Variants in TENM2 observed in about 807,000 individuals in gnomAD.
The protein encoded by TENM2 is teneurin transmembrane protein 2, also known as teneurin-2.
TENM2 carries 52 observed loss-of-function variants against 245.2 expected under a neutral mutation model. That is an observed-to-expected ratio of 0.21 (90% confidence interval 0.17 to 0.27). The LOEUF (loss-of-function observed/expected upper bound fraction) is 0.27. TENM2 is among the 10% of genes least tolerant of loss of function. TENM2 has a pLI of 1.00. For missense variants in TENM2, 3,046 were observed against 3,666.8 expected (o/e 0.83, Z 4.37); for synonymous variants, 1,363 against 1,438.9 (o/e 0.95, Z 1.19).
the TENM2 span, among the ~76,000 whole-genome samples, chr5:167,126,091 A>G: frequency 2.2e-4 from 34 of 152,328 alleles, no homozygotes; most frequent in Admixed American, 2.0e-3. Flanking sequence ...AGTAGGTGCC[A>G]TATTTCACTG....
intron 2 of TENM2, among the ~76,000 whole-genome samples, chr5:167,705,080 C>A (rs966032519): frequency 1.3e-5 from 2 of 152,160 alleles, no homozygotes; most frequent in Non-Finnish European, 2.9e-5. Context: ...GAAAGACAAA[C>A]CCCTTGCTGT....
the TENM2 span, among the ~76,000 whole-genome samples, chr5:167,277,453 C>A: frequency 2.6e-5 from 4 of 151,964 alleles, no homozygotes; most frequent in Non-Finnish European, 4.4e-5. Flanking sequence ...TAGTTTTATT[C>A]CATTGTTGTC....
At chr5:167,565,817 C>T (rs1487439864) in intron 2 of TENM2, among the ~76,000 whole-genome samples, 3 of 152,096 alleles carry the variant, frequency 2.0e-5, no homozygotes. Context: ...CCATTTTGCT[C>T]TCACACTAAT....
chr5:167,384,249 A>G (rs535560673), intron 2 of TENM2, among the ~76,000 whole-genome samples: 42 of 152,244 alleles, frequency 2.8e-4, no homozygotes, highest in Non-Finnish European at 5.6e-4. Flanking sequence ...GGGAGAGAAG[A>G]AAATAAACAT....
chr5:167,816,515 C>CT (rs1417732909), intron 2 of TENM2, among the ~76,000 whole-genome samples: 16 of 152,302 alleles, frequency 1.1e-4, no homozygotes, highest in African/African-American at 2.2e-4. Flanking sequence ...AACAACTGTT[C>CT]TGCCCCTGTG....
At chr5:167,428,148 A>C (rs1490408299) in intron 2 of TENM2, among the ~76,000 whole-genome samples, 1 of 152,204 alleles carries the variant, frequency 6.6e-6, no homozygotes, top group African/African-American at 2.4e-5. Context: ...TTTCTATAAA[A>C]GGCAAAATGC....
chr5:168,128,809 T>C (rs1036029394), intron 12 of TENM2: 3 of 152,260 alleles, frequency 2.0e-5, no homozygotes, highest in African/African-American at 7.2e-5. Context: ...GTGACAATGA[T>C]ACGAAATTCA....
chr5:168,160,400 G>T (rs541346248), intron 12 of TENM2, among the ~76,000 whole-genome samples: 3 of 152,348 alleles, frequency 2.0e-5, no homozygotes, highest in African/African-American at 7.2e-5. Context: ...GAGGAGAGGT[G>T]TGTAGACCAA....
intron 2 of TENM2, among the ~76,000 whole-genome samples, chr5:167,388,474 C>A (rs1192120121): frequency 6.6e-6 from 1 of 151,756 alleles, no homozygotes; most frequent in East Asian, 1.9e-4. Flanking sequence ...TTTCATTTAT[C>A]TTTTGTATTT....
intron 2 of TENM2, among the ~76,000 whole-genome samples, chr5:167,666,207 T>C (rs1469205164): frequency 6.6e-6 from 1 of 152,192 alleles, no homozygotes; most frequent in African/African-American, 2.4e-5. Flanking sequence ...CTTAACATTT[T>C]TCCCCAGGGG....
At chr5:167,523,312 G>A (rs1411146640) in intron 2 of TENM2, among the ~76,000 whole-genome samples, 1 of 152,168 alleles carries the variant, frequency 6.6e-6, no homozygotes, top group Non-Finnish European at 1.5e-5. Flanking sequence ...GGGACAGCAG[G>A]TAACTATTGA....
At chr5:167,445,386 T>G in intron 2 of TENM2, among the ~76,000 whole-genome samples, 1 of 85,292 alleles carries the variant, frequency 1.2e-5, no homozygotes, top group Non-Finnish European at 2.2e-5. Flanking sequence ...GGTGTTGTCT[T>G]GTTGTTGGGC....
intron 2 of TENM2, among the ~76,000 whole-genome samples, chr5:167,584,028 C>T (rs941215826): frequency 6.6e-6 from 1 of 152,196 alleles, no homozygotes; most frequent in Non-Finnish European, 1.5e-5. Flanking sequence ...TGTAACAATG[C>T]ACTCACCTTA....
At chr5:168,102,275 G>T (rs1279033198) in intron 9 of TENM2, among the ~76,000 whole-genome samples, 1 of 152,106 alleles carries the variant, frequency 6.6e-6, no homozygotes, top group Admixed American at 6.6e-5. Context: ...GTTTCTCCAT[G>T]TTGGTCAGGC....
At chr5:168,015,190 G>A (rs1562053500) in intron 5 of TENM2, among the ~76,000 whole-genome samples, 1 of 152,238 alleles carries the variant, frequency 6.6e-6, no homozygotes, top group African/African-American at 2.4e-5. Context: ...GTAGGCAATA[G>A]CACAGTTTCC....
At chr5:167,191,886 C>T in the TENM2 span, among the ~76,000 whole-genome samples, 2 of 151,932 alleles carry the variant, frequency 1.3e-5, no homozygotes, top group South Asian at 2.1e-4. Flanking sequence ...CACTTTTTCA[C>T]ACAGAAATAA....
intron 2 of TENM2, among the ~76,000 whole-genome samples, chr5:167,527,774 A>G (rs780375160): frequency 1.3e-5 from 2 of 152,176 alleles, no homozygotes; most frequent in African/African-American, 2.4e-5. Flanking sequence ...GCACTCAATA[A>G]ATGCTTATTG....
At chr5:167,919,453 TA>T (rs1777188368) in intron 3 of TENM2, among the ~76,000 whole-genome samples, 1 of 152,250 alleles carries the variant, frequency 6.6e-6, no homozygotes, top group South Asian at 2.1e-4. Context: ...CTGATTTACA[TA>T]GAGGACTATT....
chr5:167,435,628 C>T (rs1764506629), intron 2 of TENM2, among the ~76,000 whole-genome samples: 2 of 152,058 alleles, frequency 1.3e-5, no homozygotes, highest in Admixed American at 1.3e-4. Context: ...GAAAAGATAC[C>T]TGAAAATATG....
Sources: allele counts gnomAD v4.1 joint callset (sites outside exome capture counted in the v4.1 genomes callset), GRCh38; gene constraint gnomAD v4.1.1; transcripts MANE v1.5; gene names NCBI Gene and HGNC (gene_info 2026-07-23, HGNC 2026-07-21).